Variants in NXPH1 observed in about 807,000 individuals in gnomAD.
NXPH1 encodes neurexophilin-1.
Under a neutral mutation model 23.7 loss-of-function variants are expected in NXPH1, and 5 were observed. That is an observed-to-expected ratio of 0.21 (90% CI 0.11 to 0.44). The LOEUF is 0.44. NXPH1 is among the 20% of genes least tolerant of loss of function. NXPH1 has a pLI of 0.99. For missense variants in NXPH1, 324 were observed against 321.6 expected (o/e 1.01, Z -0.06); for synonymous variants, 144 against 122.2 (o/e 1.18, Z -1.18).
intron 2 of NXPH1, among the ~76,000 whole-genome samples, chr7:8,494,551 A>T (rs1817304320): frequency 6.6e-6 from 1 of 151,922 alleles, no homozygotes; most frequent in Non-Finnish European, 1.5e-5. Flanking sequence ...TCACATAGTA[A>T]CAGTTTCAGA....
intron 2 of NXPH1, among the ~76,000 whole-genome samples, chr7:8,705,921 G>A (rs1052971683): frequency 1.8e-4 from 28 of 152,154 alleles, no homozygotes; most frequent in African/African-American, 6.8e-4. Flanking sequence ...TTGCTCCACT[G>A]TGTCTACTGA....
At chr7:8,649,379 C>T (rs1296083361) in intron 2 of NXPH1, among the ~76,000 whole-genome samples, 4 of 151,942 alleles carry the variant, frequency 2.6e-5, no homozygotes, top group South Asian at 2.1e-4. Flanking sequence ...TTAGGATGTA[C>T]GTTCAAACTA....
chr7:8,451,150 T>G (rs926992483), intron 2 of NXPH1, among the ~76,000 whole-genome samples: 1 of 151,292 alleles, frequency 6.6e-6, no homozygotes, highest in African/African-American at 2.4e-5. Flanking sequence ...TTCCTTTTGC[T>G]TATTTTTTCT....
At chr7:8,506,550 T>C (rs1028394494) in intron 2 of NXPH1, among the ~76,000 whole-genome samples, 1 of 152,084 alleles carries the variant, frequency 6.6e-6, no homozygotes, top group African/African-American at 2.4e-5. Flanking sequence ...TAAAGACAGA[T>C]ACCATCTCTG....
chr7:8,692,265 C>T (rs61195544), intron 2 of NXPH1, among the ~76,000 whole-genome samples: 48,458 of 151,872 alleles, frequency 0.32, 7,874 homozygotes, highest in East Asian at 0.43. Context: ...GAAGATCACT[C>T]GGACAGCTGA....
chr7:8,447,456 C>T (rs947903891), intron 2 of NXPH1, among the ~76,000 whole-genome samples: 3 of 152,166 alleles, frequency 2.0e-5, no homozygotes, highest in African/African-American at 4.8e-5. Context: ...AGAGTTTTTG[C>T]GTCTTTCACA....
At position 8,523,184 on chromosome 7, in the gene NXPH1, AC is replaced by A. The variant is rs371539422; in HGVS notation, c.54+87419del. On this transcript the variant is annotated intron_variant, in intron 2 of 2. Coordinates refer to ENST00000405863, the MANE Select transcript of NXPH1 (RefSeq NM_152745.3). The stretch of plus-strand genomic sequence containing the variant: ...CCAGTACTTCCTTTGACTGCACTGG[AC>A]CTGACTGAGGTCCATCTCAAGCCCA... 4.2e-4 allele frequency among the ~76,000 whole-genome samples: 64 copies of A among 152,274 alleles called. No homozygotes were observed. The East Asian group carries it at 9.9e-3, about 23-fold the overall frequency.
At chr7:8,515,551 A>G (rs1817674130) in intron 2 of NXPH1, among the ~76,000 whole-genome samples, 1 of 151,364 alleles carries the variant, frequency 6.6e-6, no homozygotes, top group South Asian at 2.1e-4. Context: ...TTAGCTGATT[A>G]TCACAGAGAG....
intron 2 of NXPH1, among the ~76,000 whole-genome samples, chr7:8,638,049 G>A (rs1820247692): frequency 6.6e-6 from 1 of 152,120 alleles, no homozygotes; most frequent in Non-Finnish European, 1.5e-5. Context: ...TATAAAAATG[G>A]ATGTGGTGCA....
chr7:8,588,272 C>A (rs1184604017), intron 2 of NXPH1, among the ~76,000 whole-genome samples: 1 of 152,134 alleles, frequency 6.6e-6, no homozygotes, highest in Non-Finnish European at 1.5e-5. Flanking sequence ...GGTTACAAAT[C>A]ATTCTACTGT....
intron 2 of NXPH1, among the ~76,000 whole-genome samples, chr7:8,512,224 T>C (rs929337): frequency 0.69 from 105,586 of 152,106 alleles, 36,739 homozygotes; most frequent in Middle Eastern, 0.72. Context: ...AAGAATCATG[T>C]GATAATCTTA....
intron 2 of NXPH1, among the ~76,000 whole-genome samples, chr7:8,749,041 G>T (rs1272503886): frequency 6.6e-6 from 1 of 152,104 alleles, no homozygotes; most frequent in African/African-American, 2.4e-5. Context: ...TGTCCCTGGG[G>T]GAGCCCATTT....
chr7:8,680,104 C>T (rs1821028049), intron 2 of NXPH1, among the ~76,000 whole-genome samples: 1 of 152,252 alleles, frequency 6.6e-6, no homozygotes, highest in South Asian at 2.1e-4. Flanking sequence ...CTCTCATCAA[C>T]AGCATAAAGC....
intron 2 of NXPH1, among the ~76,000 whole-genome samples, chr7:8,684,248 C>T (rs991824929): frequency 6.6e-6 from 1 of 152,142 alleles, no homozygotes; most frequent in Non-Finnish European, 1.5e-5. Flanking sequence ...CCGTGAGGCA[C>T]CTTTGCCATT....
At chr7:8,576,376 G>T (rs978010099) in intron 2 of NXPH1, among the ~76,000 whole-genome samples, 3 of 152,308 alleles carry the variant, frequency 2.0e-5, no homozygotes, top group African/African-American at 7.2e-5. Context: ...GGGAATAAAA[G>T]TGACAGCTGC....
intron 2 of NXPH1, among the ~76,000 whole-genome samples, chr7:8,530,925 T>C (rs1331404045): frequency 6.6e-6 from 1 of 152,220 alleles, no homozygotes; most frequent in Non-Finnish European, 1.5e-5. Context: ...CAGTTAGCAA[T>C]GAGGTATATT....
intron 2 of NXPH1, among the ~76,000 whole-genome samples, chr7:8,649,574 G>C (rs1820457624): frequency 6.6e-6 from 1 of 152,110 alleles, no homozygotes; most frequent in African/African-American, 2.4e-5. Flanking sequence ...TGATTGTGCA[G>C]CCCTTTGGAG....
rs183304050 is a variant in NXPH1 at position 8,459,909 on chromosome 7, C to T, written c.54+24142C>T. ...GATCCCTTGAAAATAAAAGCAAACA[C>T]GAGTTATATGAAACATGGGTGCTTA... On this transcript the variant is annotated intron_variant, in intron 2 of 2. Coordinates refer to ENST00000405863, the MANE Select transcript of NXPH1 (RefSeq NM_152745.3). Among the ~76,000 whole-genome samples the T allele has an allele frequency of 4.7e-3, 718 of 152,176 alleles. 1 individual carries two copies. Among genetic ancestry groups the T allele is most frequent in the African/African-American group, 0.015 (619 of 41,524 alleles).
At chr7:8,596,181 G>A (rs762235710) in intron 2 of NXPH1, among the ~76,000 whole-genome samples, 3 of 152,072 alleles carry the variant, frequency 2.0e-5, no homozygotes, top group Non-Finnish European at 4.4e-5. Flanking sequence ...TCTAAGGTGA[G>A]CAGAGTGGTT....
Sources: gnomAD v4.1 joint callset for allele counts (sites outside exome capture counted in the v4.1 genomes callset) on GRCh38, gnomAD v4.1.1 for gene constraint, MANE v1.5 for transcripts, NCBI Gene and HGNC (gene_info 2026-07-23, HGNC 2026-07-21) for gene names.